EGFLAM: variants seen among roughly 807,000 people sequenced by gnomAD.
The protein encoded by EGFLAM is EGF like, fibronectin type III and laminin G domains, also known as pikachurin.
In EGFLAM, 79 loss-of-function variants were observed where a neutral mutation model predicts 113.1. The observed-to-expected ratio is 0.70, with a 90% CI of 0.58 to 0.84. The LOEUF is 0.84. EGFLAM is among the 40% of genes least tolerant of loss of function. The pLI, the probability that EGFLAM is intolerant of heterozygous loss-of-function variation, is 0.00. For missense variants in EGFLAM, 1,265 were observed against 1,291.6 expected, an observed-to-expected ratio of 0.98 and a Z score of 0.32; for synonymous variants, 504 against 487.6, an observed-to-expected ratio of 1.03 and a Z score of -0.44.
In EGFLAM at chr5:38,427,108, T is replaced by C. The variant is rs1742037095; in HGVS notation, c.1910T>C (p.Phe637Ser). The C allele has an allele frequency of 1.2e-6, 2 of 1,614,010 alleles. No individual in the cohort carries two copies. Among genetic ancestry groups the C allele is most frequent in the African/African-American group, 2.7e-5 (2 of 74,898 alleles). ...EPQHYLSFME[F>S]EITFRPDSGD... is the part of the protein sequence containing the mutation. ...CAGCATTACCTTTCCTTCATGGAAT[T>C]TGAGATCACATTTCGGCCAGACTCA... Residue 637 changes from phenylalanine to serine, a missense_variant, in exon 14 of 22, where the codon TTT (phenylalanine) becomes TCT (serine). Coordinates refer to ENST00000322350, the MANE Select transcript of EGFLAM (RefSeq NM_152403.4).
chr5:38,376,322 C>T (rs1740362400), intron 6 of EGFLAM, among the ~76,000 whole-genome samples: 1 of 152,016 alleles, frequency 6.6e-6, no homozygotes, highest in African/African-American at 2.4e-5. Context: ...TTTCCAAAAA[C>T]GGGAATTTAA....
At chr5:38,405,238 C>A (rs1741246196) in intron 6 of EGFLAM, among the ~76,000 whole-genome samples, 1 of 151,982 alleles carries the variant, frequency 6.6e-6, no homozygotes, top group Admixed American at 6.6e-5. Context: ...CCAGCACTTA[C>A]CTTAAGAAAC....
chr5:38,312,250 T>TA (rs1410046502), intron 1 of EGFLAM, among the ~76,000 whole-genome samples: 1 of 151,810 alleles, frequency 6.6e-6, no homozygotes, highest in East Asian at 1.9e-4. Context: ...CAGATTTTTT[T>TA]TTTTTTTTTG....
intron 3 of EGFLAM, among the ~76,000 whole-genome samples, chr5:38,347,211 A>G (rs944964143): frequency 1.3e-5 from 2 of 152,168 alleles, no homozygotes; most frequent in South Asian, 4.1e-4. Context: ...TGATGAGGTC[A>G]TCTGTTTACA....
Position 38,438,408 on chromosome 5 carries a change from A to C in EGFLAM, c.2417A>C (p.Tyr806Ser). 1.9e-6 allele frequency: 3 copies of C among 1,613,854 alleles called. No homozygotes were observed. Among genetic ancestry groups the C allele is most frequent in the South Asian group, 2.2e-5 (2 of 90,932 alleles). Residue 806 changes from tyrosine to serine, a missense_variant, in exon 17 of 22, where the codon TAT becomes TCT. Tyr to Ser is a moderately radical substitution (Grantham distance 144). Transcript: ENST00000322350. ...AGCTGCCGGCCCAGGAAGGAGGGCTATGACTGTGACTGCCCCTTGGGCTTT... is the reference window on the plus strand; with the variant it reads ...AGCTGCCGGCCCAGGAAGGAGGGCTCTGACTGTGACTGCCCCTTGGGCTTT... ...GGSCRPRKEGYDCDCPLGFEG... is the reference protein window; with the variant it reads ...GGSCRPRKEGSDCDCPLGFEG...
chr5:38,391,410 G>GTGTGTGTGTGTGTT (rs1554010817), intron 6 of EGFLAM, among the ~76,000 whole-genome samples: 22 of 151,046 alleles, frequency 1.5e-4, no homozygotes, highest in African/African-American at 5.4e-4. Context: ...GTGTGTGTGT[G>GTGTGTGTGTGTGTT]TGTGTGTGAT....
rs139539513 is a variant in EGFLAM, at chr5:38,431,195, C to A, written c.2073C>A (p.Thr691=). Residue 691 remains threonine (T), a synonymous_variant, in exon 15 of 22, where the codon ACC becomes ACA. Coordinates refer to ENST00000322350, the MANE Select transcript of EGFLAM (RefSeq NM_152403.4). ...TGVLRSEDPL[T]LGNWHELRVS... is the part of the protein sequence containing the mutation. ...TCCACAGGAGTGAAGATCCCCTCAC[C>A]CTGGGCAACTGGCACGAGCTTCGTG... 7.9e-5 allele frequency: 128 copies of A among 1,614,112 alleles called. No individual in the cohort carries two copies. The African/African-American group carries it at 1.5e-3, about 19-fold the overall frequency.
At chr5:38,373,731 A>T (rs1384815970) in intron 6 of EGFLAM, among the ~76,000 whole-genome samples, 7 of 152,196 alleles carry the variant, frequency 4.6e-5, no homozygotes, top group Non-Finnish European at 1.0e-4. Context: ...ATGCGAGTGC[A>T]GGAGTCTTTT....
At chr5:38,268,278 A>C (rs1579704665) in intron 1 of EGFLAM, among the ~76,000 whole-genome samples, 1 of 152,252 alleles carries the variant, frequency 6.6e-6, no homozygotes, top group African/African-American at 2.4e-5. Flanking sequence ...TAGGAAGCCC[A>C]CCTCAGCTGT....
chr5:38,272,083 A>AGT (rs1186600915), intron 1 of EGFLAM, among the ~76,000 whole-genome samples: 1 of 152,202 alleles, frequency 6.6e-6, no homozygotes, highest in African/African-American at 2.4e-5. Flanking sequence ...TGCCCCAGGG[A>AGT]GTCACTTTGA....
chr5:38,347,982 G>T (rs74324082), intron 3 of EGFLAM, among the ~76,000 whole-genome samples: 2,829 of 152,116 alleles, frequency 0.019, 97 homozygotes, highest in African/African-American at 0.066. Context: ...GGTAACTGAT[G>T]AGATGGTGGT....
At chr5:38,437,619 C>A (rs1022876487) in intron 16 of EGFLAM, among the ~76,000 whole-genome samples, 1 of 152,250 alleles carries the variant, frequency 6.6e-6, no homozygotes, top group East Asian at 1.9e-4. Context: ...TGGGTCTGGG[C>A]GGGTCTGGGC....
intron 6 of EGFLAM, among the ~76,000 whole-genome samples, chr5:38,389,337 A>G (rs937263993): frequency 1.3e-5 from 2 of 152,192 alleles, no homozygotes; most frequent in South Asian, 2.1e-4. Context: ...CCACAGCTCA[A>G]CGTGATTTTT....
At chr5:38,442,276 T>C (rs1742560283) in intron 17 of EGFLAM, among the ~76,000 whole-genome samples, 1 of 136,376 alleles carries the variant, frequency 7.3e-6, no homozygotes, top group Non-Finnish European at 1.5e-5. Context: ...TTAAATGTTA[T>C]GTCATTTATT....
intron 15 of EGFLAM, among the ~76,000 whole-genome samples, chr5:38,432,306 A>C (rs1742213046): frequency 6.6e-6 from 1 of 152,064 alleles, no homozygotes; most frequent in Non-Finnish European, 1.5e-5. Flanking sequence ...TTGACTGGAG[A>C]GAGAAGAAAA....
intron 3 of EGFLAM, among the ~76,000 whole-genome samples, chr5:38,349,309 A>G (rs1739554517): frequency 6.6e-6 from 1 of 152,182 alleles, no homozygotes; most frequent in Non-Finnish European, 1.5e-5. Context: ...GAAGGTGTCA[A>G]AGGGAGGGCT....
At chr5:38,461,498 TA>T (rs1743270851) in intron 20 of EGFLAM, among the ~76,000 whole-genome samples, 1 of 152,102 alleles carries the variant, frequency 6.6e-6, no homozygotes, top group African/African-American at 2.4e-5. Context: ...AAAAATGGAA[TA>T]TTTTAGAGTA....
intron 6 of EGFLAM, among the ~76,000 whole-genome samples, chr5:38,399,452 A>AT (rs1453175373): frequency 1.3e-5 from 2 of 151,528 alleles, no homozygotes; most frequent in East Asian, 3.9e-4. Context: ...TAATTTTTGT[A>AT]TTTTTGTTAG....
intron 1 of EGFLAM, among the ~76,000 whole-genome samples, chr5:38,323,678 G>C (rs1247399131): frequency 6.6e-6 from 1 of 151,982 alleles, no homozygotes; most frequent in Non-Finnish European, 1.5e-5. Context: ...GGAAGCACTA[G>C]CATGTTTCTA....
Sources: allele counts gnomAD v4.1 joint callset (sites outside exome capture counted in the v4.1 genomes callset), GRCh38; gene constraint gnomAD v4.1.1; transcripts MANE v1.5; gene names NCBI Gene and HGNC (gene_info 2026-07-23, HGNC 2026-07-21).